The following ADAM23 variants were observed in gnomAD, a reference collection of about 807,000 sequenced individuals.
The protein encoded by ADAM23 is ADAM metallopeptidase domain 23.
In ADAM23, 33 loss-of-function variants were observed where a neutral mutation model predicts 120.1. That is an observed-to-expected ratio of 0.27 (90% CI 0.21 to 0.37). ADAM23 has a LOEUF of 0.37. Ranked by LOEUF, ADAM23 falls within the 10% of genes least tolerant of loss-of-function variation. The pLI is 1.00. For synonymous variants in ADAM23, 367 were observed against 375.2 expected, an observed-to-expected ratio of 0.98 and a Z score of 0.25; for missense variants, 862 against 1,058.2, an observed-to-expected ratio of 0.81 and a Z score of 2.57.
intron 24 of ADAM23, among the ~76,000 whole-genome samples, chr2:206,600,748 A>C (rs570048073): frequency 6.6e-6 from 1 of 152,140 alleles, no homozygotes; most frequent in Admixed American, 6.5e-5. Context: ...GTTGTCCACT[A>C]TGGACCCATA....
intron 13 of ADAM23, among the ~76,000 whole-genome samples, chr2:206,562,951 AGAC>A (rs1697798827): frequency 6.6e-6 from 1 of 152,200 alleles, no homozygotes; most frequent in African/African-American, 2.4e-5. Flanking sequence ...GTAGATAGGA[AGAC>A]AGGGCTGATT....
intron 3 of ADAM23, among the ~76,000 whole-genome samples, chr2:206,489,528 G>T (rs1456222328): frequency 6.6e-6 from 1 of 152,168 alleles, no homozygotes; most frequent in Non-Finnish European, 1.5e-5. Flanking sequence ...AAGGTTAAAT[G>T]CTTTACTTCC....
intron 18 of ADAM23, among the ~76,000 whole-genome samples, chr2:206,581,691 T>C (rs1254518697): frequency 6.6e-6 from 1 of 152,220 alleles, no homozygotes; most frequent in Non-Finnish European, 1.5e-5. Flanking sequence ...AGAATGTGTA[T>C]TCTGCAGTTG....
intron 3 of ADAM23, among the ~76,000 whole-genome samples, chr2:206,498,013 A>G (rs1232417242): frequency 6.6e-6 from 1 of 152,196 alleles, no homozygotes; most frequent in African/African-American, 2.4e-5. Flanking sequence ...ATACAAACAA[A>G]TGGAAGAACA....
Position 206,587,354 on chromosome 2 carries a change from A to C in ADAM23, c.1767A>C (p.Gly589=). The change falls in exon 19 of 26, where the codon GGA becomes GGC. Residue 589 remains glycine (G), a synonymous_variant. Coordinates refer to ENST00000264377, the MANE Select transcript of ADAM23 (RefSeq NM_003812.4). The stretch of plus-strand genomic sequence containing the variant: ...CACCAAATCTTCATAAGCAAGACGG[A>C]TATGCATGCAATCAAAATCAGGTAT... ...QCPPNLHKQD[G]YACNQNQGRC... 1.9e-6 allele frequency: 3 copies of C among 1,608,206 alleles called. No homozygotes were observed. The highest frequency in any genetic ancestry group is 2.5e-6 in the Non-Finnish European group (3 of 1,177,098).
intron 9 of ADAM23, among the ~76,000 whole-genome samples, chr2:206,553,258 C>T (rs1011856098): frequency 7.2e-5 from 11 of 151,904 alleles, no homozygotes; most frequent in Non-Finnish European, 1.5e-4. Context: ...TATACATACA[C>T]ATATACATAT....
At chr2:206,600,842 A>G (rs536952976) in intron 24 of ADAM23, among the ~76,000 whole-genome samples, 1 of 152,200 alleles carries the variant, frequency 6.6e-6, no homozygotes, top group East Asian at 1.9e-4. Flanking sequence ...AGCACAAACC[A>G]TGTGAGCAAG....
At chr2:206,508,286 G>A (rs1028011951) in intron 3 of ADAM23, among the ~76,000 whole-genome samples, 47 of 152,148 alleles carry the variant, frequency 3.1e-4, no homozygotes, top group African/African-American at 9.4e-4. Context: ...TTGGCCTCCT[G>A]AAGTGCTGGG....
At position 206,617,641 on chromosome 2, in the gene ADAM23, G is replaced by A. The variant is rs1305101299; in HGVS notation, c.*14G>A. On this transcript the variant is annotated 3_prime_UTR_variant, in exon 26 of 26. Transcript: ENST00000264377. ...GGCCCCATCTGAATCAGCTGCGCTGGATGGACACCGCCTTGCACTGTTGGA... is the reference window on the plus strand; with the variant it reads ...GGCCCCATCTGAATCAGCTGCGCTGAATGGACACCGCCTTGCACTGTTGGA... 1 of 1,613,416 alleles carries A rather than the reference G, an allele frequency of 6.2e-7. No homozygotes were observed. The highest frequency in any genetic ancestry group is 1.1e-5 in the South Asian group (1 of 90,840).
chr2:206,445,348 C>G lies in ADAM23; in HGVS notation c.256C>G (p.Leu86Val). The G allele has an allele frequency of 6.2e-7, 1 of 1,613,950 alleles. No homozygotes were observed. The highest frequency in any genetic ancestry group is 8.5e-7 in the Non-Finnish European group (1 of 1,179,940). Residue 86 changes from leucine to valine, a missense_variant, in exon 2 of 26, where the codon CTG becomes GTG. This residue lies in a region of ADAM23 where 225 missense variants were observed against 204.0 expected (regional missense o/e 1.10). Coordinates refer to ENST00000264377, the MANE Select transcript of ADAM23 (RefSeq NM_003812.4). ...AACTGCAGAAAAAAATTTGGGAGTC[C>G]TGGCAGATGAAGACAATACATTGCA... ...NETAEKNLGV[L>V]ADEDNTLQQN...
intron 2 of ADAM23, among the ~76,000 whole-genome samples, chr2:206,471,556 C>T (rs1695661117): frequency 6.6e-6 from 1 of 152,132 alleles, no homozygotes; most frequent in Non-Finnish European, 1.5e-5. Flanking sequence ...GTCACAGACA[C>T]TAAGCATGGT....
intron 2 of ADAM23, among the ~76,000 whole-genome samples, chr2:206,446,531 C>T (rs1450106515): frequency 6.6e-6 from 1 of 152,082 alleles, no homozygotes; most frequent in Non-Finnish European, 1.5e-5. Flanking sequence ...TGAGTGGTAA[C>T]AGTATTTATC....
chr2:206,574,195 A>G lies in ADAM23; in HGVS notation c.1737+1000A>G, dbSNP rs574221712. 3.3e-5 allele frequency among the ~76,000 whole-genome samples: 5 copies of G among 152,292 alleles called. No individual in the cohort carries two copies. In the East Asian group the frequency reaches 9.7e-4, roughly 29 times the overall value. On this transcript the variant is annotated intron_variant, in intron 18 of 25. Transcript: ENST00000264377. ...TCTTCATCATCATGTCAACGTTCAA[A>G]AAGTTTCAGATTTTGGAGCATTTCT...
At chr2:206,566,193 C>A (rs1188385507) in intron 14 of ADAM23, among the ~76,000 whole-genome samples, 1 of 148,160 alleles carries the variant, frequency 6.7e-6, no homozygotes, top group African/African-American at 2.5e-5. Context: ...CATATAATAT[C>A]TTTAATATAT....
intron 2 of ADAM23, among the ~76,000 whole-genome samples, chr2:206,466,944 A>T (rs1695552616): frequency 6.6e-6 from 1 of 152,192 alleles, no homozygotes; most frequent in Non-Finnish European, 1.5e-5. Context: ...TAGGACCGAG[A>T]TGGGGGGAAA....
In ADAM23 at chr2:206,445,231, T is replaced by C. The variant is rs548181487; in HGVS notation, c.215-76T>C. 33 of 1,039,554 alleles carry C rather than the reference T, an allele frequency of 3.2e-5. No individual in the cohort carries two copies. The African/African-American group carries it at 5.0e-4, about 16-fold the overall frequency. The allele number at this position is 1,039,554 out of a possible 1,614,324, so 64.4% of individuals were successfully genotyped here. On this transcript the variant is annotated intron_variant, in intron 1 of 25. Coordinates refer to ENST00000264377, the MANE Select transcript of ADAM23 (RefSeq NM_003812.4). ...AAGGAAAAATGCATTTTAGTGCTTA[T>C]GTATTTATGGGGTAAATATGTGTGT...
intron 3 of ADAM23, among the ~76,000 whole-genome samples, chr2:206,497,117 A>G (rs1016612148): frequency 6.6e-6 from 1 of 152,224 alleles, no homozygotes; most frequent in African/African-American, 2.4e-5. Context: ...ATTCCAATCA[A>G]TAGAAAATGA....
chr2:206,539,108 A>G (rs535803501), intron 4 of ADAM23, among the ~76,000 whole-genome samples: 1 of 152,184 alleles, frequency 6.6e-6, no homozygotes, highest in South Asian at 2.1e-4. Context: ...GAGCTTGGAA[A>G]CCTTGTGGAG....
At chr2:206,503,732 T>A (rs192815340) in intron 3 of ADAM23, among the ~76,000 whole-genome samples, 135 of 152,286 alleles carry the variant, frequency 8.9e-4, no homozygotes, top group Middle Eastern at 3.4e-3. Context: ...CTTCTGCAAA[T>A]ATTCTGTCAT....
Sources: gnomAD v4.1 joint callset for allele counts (sites outside exome capture counted in the v4.1 genomes callset) on GRCh38, gnomAD v4.1.1 for gene constraint, gnomAD v4.1.1 regional missense constraint, MANE v1.5 for transcripts, NCBI Gene and HGNC (gene_info 2026-07-23, HGNC 2026-07-21) for gene names.